The following RAB27B variants were observed in gnomAD, a reference collection of about 807,000 sequenced individuals.
The protein encoded by RAB27B is RAB27B, member RAS oncogene family.
In RAB27B, 15 loss-of-function variants were observed where a neutral mutation model predicts 24.6. The ratio of observed to expected loss-of-function variants is 0.61; its 90% CI spans 0.41 to 0.94. The LOEUF (loss-of-function observed/expected upper bound fraction) is 0.94. Ranked by LOEUF, RAB27B falls within the 40% of genes least tolerant of loss-of-function variation. The probability of loss-of-function intolerance (pLI) is 0.00; values close to 1 mark genes in which losing one functional copy is unlikely to be tolerated. For synonymous variants in RAB27B, 105 were observed against 92.5 expected, an observed-to-expected ratio of 1.14 and a Z score of -0.78; for missense variants, 261 against 266.8, an observed-to-expected ratio of 0.98 and a Z score of 0.15.
At chr18:54,740,373 A>G (rs938118968) in intron 2 of RAB27B, among the ~76,000 whole-genome samples, 10 of 152,214 alleles carry the variant, frequency 6.6e-5, no homozygotes, top group Non-Finnish European at 1.3e-4. Flanking sequence ...CATTCTTGCA[A>G]TCCTTACGTT....
intron 2 of RAB27B, among the ~76,000 whole-genome samples, chr18:54,756,562 T>C (rs1299590083): frequency 1.3e-5 from 2 of 152,156 alleles, no homozygotes; most frequent in Admixed American, 1.3e-4. Context: ...GCTGTAGTAT[T>C]CTGAAGAATA....
intron 1 of RAB27B, among the ~76,000 whole-genome samples, chr18:54,837,078 T>A (rs2145193994): frequency 6.7e-6 from 1 of 150,174 alleles, no homozygotes; most frequent in African/African-American, 2.4e-5. Flanking sequence ...TAAGATATAG[T>A]TCCTACTCTT....
At chr18:54,879,572 A>G (rs1429772552) in intron 3 of RAB27B, 118 bp downstream of exon 3, 1 of 834,168 alleles carries the variant, frequency 1.2e-6, no homozygotes, top group East Asian at 2.6e-5. Flanking sequence ...TGGTTTCAAA[A>G]TAGACATTTG....
At chr18:54,810,158 A>G (rs1158868577) in intron 2 of RAB27B, among the ~76,000 whole-genome samples, 1 of 152,198 alleles carries the variant, frequency 6.6e-6, no homozygotes, top group African/African-American at 2.4e-5. Flanking sequence ...TTAAATTAAA[A>G]GATGCTGGTG....
At chr18:54,871,088 T>C in intron 1 of RAB27B, among the ~76,000 whole-genome samples, 1 of 152,266 alleles carries the variant, frequency 6.6e-6, no homozygotes. Context: ...TTAATTTATA[T>C]TTGCAATTTG....
At chr18:54,858,898 A>G (rs1911898094) in intron 1 of RAB27B, among the ~76,000 whole-genome samples, 1 of 152,224 alleles carries the variant, frequency 6.6e-6, no homozygotes, top group African/African-American at 2.4e-5. Flanking sequence ...AGTGTCAGAT[A>G]CGGCAAATCT....
upstream of RAB27B, among the ~76,000 whole-genome samples, chr18:54,826,790 TTCTC>T (rs1290396360): frequency 6.6e-6 from 1 of 152,210 alleles, no homozygotes; most frequent in East Asian, 1.9e-4. Context: ...TACTGCGACT[TTCTC>T]AACCTCAGTT....
In RAB27B at chr18:54,771,590, TAG is replaced by T. The variant is rs202003495; in HGVS notation, c.-20+53450_-20+53451del. ...TATTATGGTGATAGAGCTGATAGTT[TAG>T]TGTGTGTGTGTGTGTGTGTGTGTGT... On this transcript the variant is annotated intron_variant, in intron 2 of 4. Coordinates refer to the RAB27B transcript ENST00000586570. Among the ~76,000 whole-genome samples, 666 of 110,078 alleles carry T rather than the reference TAG, an allele frequency of 6.1e-3. 10 individuals are homozygous for T. The highest frequency in any genetic ancestry group is 0.02 in the African/African-American group (574 of 28,094). The allele number at this position is 110,078 out of a possible 152,430, so 72.2% of individuals were successfully genotyped here.
At chr18:54,826,001 C>G (rs371768919), upstream of RAB27B, among the ~76,000 whole-genome samples, 2 of 152,190 alleles carry the variant, frequency 1.3e-5, no homozygotes. Flanking sequence ...TCAGTTACCA[C>G]GCCTGCATCT....
chr18:54,833,408 G>A (rs1910769941), intron 1 of RAB27B, among the ~76,000 whole-genome samples: 1 of 151,830 alleles, frequency 6.6e-6, no homozygotes, highest in African/African-American at 2.4e-5. Flanking sequence ...TGTATTTTTA[G>A]TAGAGGTAGG....
upstream of RAB27B, among the ~76,000 whole-genome samples, chr18:54,825,038 C>T (rs1910428953): frequency 6.6e-6 from 1 of 152,060 alleles, no homozygotes; most frequent in African/African-American, 2.4e-5. Flanking sequence ...TTTTTAAGTC[C>T]TTGCATATCT....
chr18:54,770,470 T>A (rs1046960129), intron 2 of RAB27B, among the ~76,000 whole-genome samples: 2 of 152,048 alleles, frequency 1.3e-5, no homozygotes, highest in Non-Finnish European at 2.9e-5. Flanking sequence ...ACCCCCCAGA[T>A]GGGACCATCT....
intron 1 of RAB27B, among the ~76,000 whole-genome samples, chr18:54,866,352 A>G (rs760621167): frequency 3.3e-5 from 5 of 152,038 alleles, no homozygotes; most frequent in African/African-American, 7.2e-5. Flanking sequence ...CTGGAGTGCA[A>G]TGGCGCTATA....
intron 2 of RAB27B, among the ~76,000 whole-genome samples, chr18:54,799,001 G>A (rs141082215): frequency 1.3e-5 from 2 of 152,160 alleles, no homozygotes; most frequent in East Asian, 3.9e-4. Context: ...TGTAAGGACT[G>A]TCTTTTATTC....
At chr18:54,823,155 G>T (rs1266663907) in intron 2 of RAB27B, among the ~76,000 whole-genome samples, 2 of 152,194 alleles carry the variant, frequency 1.3e-5, no homozygotes, top group African/African-American at 4.8e-5. Flanking sequence ...AGTCTCTTAA[G>T]CATGTATATA....
chr18:54,821,105 T>C (rs967415250), intron 2 of RAB27B, among the ~76,000 whole-genome samples: 28 of 152,158 alleles, frequency 1.8e-4, no homozygotes, highest in African/African-American at 6.8e-4. Flanking sequence ...TGTCCCTGTT[T>C]GCAGACGACA....
chr18:54,733,627 T>G (rs1909792996), intron 2 of RAB27B, among the ~76,000 whole-genome samples: 1 of 147,700 alleles, frequency 6.8e-6, no homozygotes, highest in South Asian at 2.2e-4. Flanking sequence ...CCTATAAATT[T>G]AGGTGAAATC....
intron 2 of RAB27B, among the ~76,000 whole-genome samples, chr18:54,822,864 T>G (rs1283910738): frequency 6.6e-6 from 1 of 152,356 alleles, no homozygotes; most frequent in Non-Finnish European, 1.5e-5. Context: ...AGGCTATATG[T>G]GAACATCACT....
At chr18:54,804,914 CTT>C (rs763462070) in intron 2 of RAB27B, among the ~76,000 whole-genome samples, 32,202 of 74,538 alleles carry the variant, frequency 0.43, 4,365 homozygotes, top group East Asian at 0.62. Flanking sequence ...CTCTTTCTTT[CTT>C]TCTTTCTTTC....
Sources: allele counts gnomAD v4.1 joint callset (sites outside exome capture counted in the v4.1 genomes callset), GRCh38; gene constraint gnomAD v4.1.1; transcripts MANE v1.5; gene names NCBI Gene and HGNC (gene_info 2026-07-23, HGNC 2026-07-21).